The following DDX18 variants were observed in gnomAD, a reference collection of about 807,000 sequenced individuals.
The protein encoded by DDX18 is ATP-dependent RNA helicase DDX18.
DDX18 carries 23 observed loss-of-function variants against 73.5 expected under a neutral mutation model. That is an observed-to-expected ratio of 0.31 (90% CI 0.23 to 0.44). The LOEUF (loss-of-function observed/expected upper bound fraction) is 0.44. Ranked by LOEUF, DDX18 falls within the 20% of genes least tolerant of loss-of-function variation. The pLI is 1.00. For missense variants in DDX18, 753 were observed against 792.9 expected (o/e 0.95, Z 0.60); for synonymous variants, 268 against 282.7 (o/e 0.95, Z 0.52).
At chr2:117,826,417 G>A in intron 11 of DDX18, 35 bp downstream of exon 11, 2 of 1,587,312 alleles carry the variant, frequency 1.3e-6, no homozygotes, top group Non-Finnish European at 1.7e-6. Flanking sequence ...ATTTCTCTTG[G>A]TGTAGGGATT....
At chr2:117,820,406 T>C (rs4849627) in intron 3 of DDX18, among the ~76,000 whole-genome samples, 137,895 of 152,276 alleles carry the variant, frequency 0.91, 62,679 homozygotes, top group African/African-American at 0.95. Context: ...ATCCCAAGAA[T>C]CTCCTCTGTC....
chr2:117,825,073 A>C lies in DDX18; in HGVS notation c.1340A>C (p.Tyr447Ser), dbSNP rs747160399. Residue 447 changes from tyrosine to serine, a missense_variant, in exon 9 of 14, where the codon TAC becomes TCC. By Grantham distance (144) the Tyr-to-Ser change is moderately radical (BLOSUM62 -2). Around this residue, in one of 3 missense-constraint regions of DDX18, gnomAD observed 402 missense variants for 419.4 expected, o/e 0.96. Transcript: ENST00000263239. ...SVKYHYELLN[Y>S]IDLPVLAIHG... Reference sequence around the variant, plus strand: ...AAATACCACTATGAGTTGCTGAACTACATTGATTTGCCCGTCTTGGCCATT... The same window carrying C: ...AAATACCACTATGAGTTGCTGAACTCCATTGATTTGCCCGTCTTGGCCATT... 2 of 1,612,598 alleles carry C rather than the reference A, an allele frequency of 1.2e-6. No individual in the cohort carries two copies. Among genetic ancestry groups the C allele is most frequent in the Admixed American group, 3.4e-5 (2 of 59,548 alleles).
In DDX18 at chr2:117,829,022, C is replaced by A. The variant is rs779537137; in HGVS notation, c.1692+17C>A. On this transcript the variant is annotated intron_variant, in intron 12 of 13. Transcript: ENST00000263239. ...CAGTCTCAGGTATGTGCTTTTTAAACGTTTGTGAGTAAACAGGAACCTTGT... is the reference window on the plus strand; with the variant it reads ...CAGTCTCAGGTATGTGCTTTTTAAAAGTTTGTGAGTAAACAGGAACCTTGT... 1.2e-6 allele frequency: 2 copies of A among 1,604,076 alleles called. No homozygotes were observed. The highest frequency in any genetic ancestry group is 2.7e-5 in the African/African-American group (2 of 74,704).
At chr2:117,818,760 G>A (rs1388315053) in intron 2 of DDX18, among the ~76,000 whole-genome samples, 2 of 152,130 alleles carry the variant, frequency 1.3e-5, no homozygotes, top group East Asian at 3.9e-4. Flanking sequence ...GGGCTCAAGT[G>A]ATCCTCCCAC....
intron 4 of DDX18, 81 bp from the exon 5 acceptor site, chr2:117,821,569 G>A (rs10515923): frequency 0.054 from 78,241 of 1,459,698 alleles, 2,718 homozygotes; most frequent in Admixed American, 0.12. Context: ...TGTTCTAGCC[G>A]TAGTGCCTAA....
rs988309015 is a variant in DDX18 at position 117,831,416 on chromosome 2, G to C, written c.*692G>C. On this transcript the variant is annotated 3_prime_UTR_variant, in exon 14 of 14. Transcript: ENST00000263239. Reference sequence around the variant, plus strand: ...AGTTATAACGTTTGATGGCTGGGGGGTAGGAAGAGGATGGAATTGAGATGT... The same window carrying C: ...AGTTATAACGTTTGATGGCTGGGGGCTAGGAAGAGGATGGAATTGAGATGT... The C allele has an allele frequency of 2.0e-5, 3 of 152,210 alleles. No individual in the cohort carries two copies. Among genetic ancestry groups the C allele is most frequent in the African/African-American group, 7.2e-5 (3 of 41,444 alleles). The allele number at this position is 152,210 out of a possible 1,614,324, so 9.4% of individuals were successfully genotyped here.
chr2:117,829,012 G>T lies in DDX18; in HGVS notation c.1692+7G>T, dbSNP rs781086720. ...TTCTGACATTCAGTCTCAGGTATGT[G>T]CTTTTTAAACGTTTGTGAGTAAACA... is the stretch of plus-strand genomic sequence containing the variant. On this transcript the variant is annotated splice_region_variant and intron_variant, in intron 12 of 13. Transcript: ENST00000263239. The T allele has an allele frequency of 6.2e-7, 1 of 1,610,682 alleles. No individual in the cohort carries two copies. The highest frequency in any genetic ancestry group is 1.1e-5 in the South Asian group (1 of 90,918).
rs1680025742 is a variant in DDX18, at chr2:117,831,589, C to T, written c.*865C>T. 6.6e-6 allele frequency: 1 copy of T among 152,150 alleles called. No homozygotes were observed. The highest frequency in any genetic ancestry group is 1.5e-5 in the Non-Finnish European group (1 of 68,030). 9.4% of individuals were successfully genotyped at this position (152,150 alleles called of 1,614,324 possible). On this transcript the variant is annotated 3_prime_UTR_variant, in exon 14 of 14. Coordinates refer to ENST00000263239, the MANE Select transcript of DDX18 (RefSeq NM_006773.4). ...TTTGGATTTGGTAAGCCTTTGCACT[C>T]TGTAGAGTACTTAGAAGACAAGGGC...
chr2:117,830,224 G>A (rs1368709873), intron 13 of DDX18, among the ~76,000 whole-genome samples: 2 of 152,190 alleles, frequency 1.3e-5, no homozygotes, highest in Non-Finnish European at 2.9e-5. Context: ...ATTCCGAAGA[G>A]AAATGATAGT....
intron 4 of DDX18, 111 bp from the exon 5 acceptor site, chr2:117,821,539 C>T: frequency 3.2e-6 from 4 of 1,252,574 alleles, no homozygotes; most frequent in Non-Finnish European, 4.5e-6. Context: ...AATTTCAGCA[C>T]TGTAGACGTT....
rs1441446595 is a variant in DDX18, at chr2:117,823,876, TG to T, written c.1067-692del. ...TTTTAATCAGAAATAGATGGTCAAA[TG>T]TTTTTTTTCTGTCTGCTGAAATAAT... On this transcript the variant is annotated intron_variant, in intron 7 of 13. Coordinates refer to ENST00000263239, the MANE Select transcript of DDX18 (RefSeq NM_006773.4). Among the ~76,000 whole-genome samples, 5 of 152,240 alleles carry T rather than the reference TG, an allele frequency of 3.3e-5. No homozygotes were observed. The South Asian group carries it at 6.2e-4, about 19-fold the overall frequency.
At chr2:117,823,333 C>T (rs1457754213) in intron 7 of DDX18, among the ~76,000 whole-genome samples, 5 of 152,108 alleles carry the variant, frequency 3.3e-5, no homozygotes, top group Non-Finnish European at 7.4e-5. Context: ...GATATTTTCT[C>T]TATCATATTT....
chr2:117,819,950 A>G (rs759986613), intron 3 of DDX18, among the ~76,000 whole-genome samples, 158 bp downstream of exon 3: 1 of 152,094 alleles, frequency 6.6e-6, no homozygotes, highest in Non-Finnish European at 1.5e-5. Flanking sequence ...TTTTCTCTTT[A>G]TCTTCTATTT....
At chr2:117,816,208 T>C (rs1416221338) in intron 1 of DDX18, among the ~76,000 whole-genome samples, 2 of 152,208 alleles carry the variant, frequency 1.3e-5, no homozygotes, top group Non-Finnish European at 2.9e-5. Context: ...CTATAGACTT[T>C]ATAAACACTG....
At chr2:117,829,066 GTGA>G in intron 12 of DDX18, 61 bp downstream of exon 12, 1 of 1,407,312 alleles carries the variant, frequency 7.1e-7, no homozygotes, top group Admixed American at 1.7e-5. Flanking sequence ...TCTGTTTGTA[GTGA>G]TTCACTGGGC....
intron 3 of DDX18, among the ~76,000 whole-genome samples, chr2:117,820,192 A>G (rs1242859282): frequency 6.6e-6 from 1 of 152,208 alleles, no homozygotes. Flanking sequence ...CTAACCAGAT[A>G]TGTCTAGGAG....
chr2:117,826,523 A>G (rs1679930838), intron 11 of DDX18, 141 bp downstream of exon 11: 3 of 761,072 alleles, frequency 3.9e-6, no homozygotes, highest in South Asian at 1.8e-5. Context: ...GTAAGGTTTT[A>G]TGTACTTCTA....
chr2:117,829,840 GTT>G (rs1011990613), intron 13 of DDX18, among the ~76,000 whole-genome samples: 1 of 152,202 alleles, frequency 6.6e-6, no homozygotes, highest in Non-Finnish European at 1.5e-5. Context: ...TGAATGGGGT[GTT>G]TTGAAGCTAA....
At chr2:117,827,517 GTGAT>G (rs1202390649) in intron 11 of DDX18, 1 of 124,122 alleles carries the variant, frequency 8.1e-6, no homozygotes, top group Non-Finnish European at 1.6e-5. Context: ...GCCCCGGTGT[GTGAT>G]ATTCACCACC....
Sources: allele counts gnomAD v4.1 joint callset (sites outside exome capture counted in the v4.1 genomes callset), GRCh38; gene constraint gnomAD v4.1.1; regional missense constraint gnomAD v4.1.1; transcripts MANE v1.5; gene names NCBI Gene and HGNC (gene_info 2026-07-23, HGNC 2026-07-21).